The following LRRC66 variants were observed in gnomAD, a reference collection of about 807,000 sequenced individuals.
LRRC66 encodes leucine rich repeat containing 66, also known as leucine-rich repeat-containing protein 66.
LRRC66 carries 29 observed loss-of-function variants against 24.6 expected under a neutral mutation model. That is an observed-to-expected ratio of 1.18 (90% CI 0.88 to 1.61). The LOEUF is 1.61. LRRC66 is among the 40% of genes most tolerant of loss of function. LRRC66 has a pLI of 0.00. For synonymous variants in LRRC66, 411 were observed against 397.6 expected (o/e 1.03, Z -0.40); for missense variants, 1,124 against 1,058.0 (o/e 1.06, Z -0.87).
At chr4:52,017,089 T>C in intron 2 of LRRC66, 29 bp downstream of exon 2, 2 of 1,570,330 alleles carry the variant, frequency 1.3e-6, no homozygotes, top group South Asian at 2.4e-5. Context: ...GTAAGCATTG[T>C]TTCTCTGCCT....
Position 51,995,079 on chromosome 4 carries a change from G to A in LRRC66, c.1943C>T (p.Ala648Val), listed in dbSNP as rs534526166. 6.8e-6 allele frequency: 11 copies of A among 1,614,178 alleles called. No individual in the cohort carries two copies. In the East Asian group the frequency reaches 1.3e-4, roughly 20 times the overall value. Reference sequence around the variant, plus strand: ...AACCTCGCTGTAGTGGGCTGAAAGCGCTTCCTCAGCCCTTGCCCCGGACAG... The same window carrying A: ...AACCTCGCTGTAGTGGGCTGAAAGCACTTCCTCAGCCCTTGCCCCGGACAG... ...PRLSGARAEE[A>V]LSAHYSEVPY... Residue 648 changes from alanine to valine, a missense_variant, in exon 5 of 5, where the codon GCG becomes GTG. Ala to Val is a moderately conservative substitution (Grantham distance 64). Coordinates refer to ENST00000682860, the MANE Select transcript of LRRC66 (RefSeq NM_001024611.3).
chr4:51,997,335 T>A (rs972765635), intron 4 of LRRC66, among the ~76,000 whole-genome samples: 2 of 152,224 alleles, frequency 1.3e-5, no homozygotes, highest in Non-Finnish European at 2.9e-5. Flanking sequence ...TTTTAAAAGT[T>A]CTTTCTTTAA....
chr4:52,007,620 C>T (rs1348337328), intron 2 of LRRC66, among the ~76,000 whole-genome samples: 1 of 152,186 alleles, frequency 6.6e-6, no homozygotes, highest in Non-Finnish European at 1.5e-5. Context: ...CTTTTGGAGT[C>T]CAGTGGAAGC....
chr4:52,001,548 A>T (rs1378487868), intron 3 of LRRC66, among the ~76,000 whole-genome samples: 1 of 152,242 alleles, frequency 6.6e-6, no homozygotes, highest in Non-Finnish European at 1.5e-5. Flanking sequence ...CACAGACTGC[A>T]TTTATAAAGT....
At chr4:52,018,699 TC>T (rs1736875869) in intron 1 of LRRC66, 1 of 644,122 alleles carries the variant, frequency 1.6e-6, no homozygotes, top group South Asian at 6.9e-5. Context: ...TTGCCTATAG[TC>T]CAAATCCCTC....
At chr4:51,996,784 C>A (rs771605985) in intron 4 of LRRC66, among the ~76,000 whole-genome samples, 2 of 152,186 alleles carry the variant, frequency 1.3e-5, no homozygotes, top group Non-Finnish European at 2.9e-5. Flanking sequence ...AGGCTTCCTG[C>A]CTCACTGCTG....
intron 3 of LRRC66, among the ~76,000 whole-genome samples, chr4:51,999,139 T>C (rs892499426): frequency 1.1e-4 from 17 of 152,122 alleles, no homozygotes; most frequent in South Asian, 2.1e-4. Flanking sequence ...CTCATGAGGT[T>C]TGGGGAGAGG....
chr4:52,016,821 T>A (rs1736822097), intron 2 of LRRC66, among the ~76,000 whole-genome samples: 1 of 152,198 alleles, frequency 6.6e-6, no homozygotes, highest in African/African-American at 2.4e-5. Flanking sequence ...TACATGATAA[T>A]TAAAGTAGGT....
intron 4 of LRRC66, among the ~76,000 whole-genome samples, chr4:51,996,532 T>C (rs551817037): frequency 9.9e-5 from 15 of 152,240 alleles, no homozygotes; most frequent in East Asian, 5.8e-4. Context: ...GCTGGGACTA[T>C]AGGTGTGAGC....
At chr4:52,008,318 T>G (rs1736628450) in intron 2 of LRRC66, among the ~76,000 whole-genome samples, 1 of 152,098 alleles carries the variant, frequency 6.6e-6, no homozygotes, top group Non-Finnish European at 1.5e-5. Context: ...ATTATTCTAA[T>G]CTCCACACAA....
chr4:52,006,142 G>A (rs1037353557), intron 2 of LRRC66, among the ~76,000 whole-genome samples: 2 of 152,150 alleles, frequency 1.3e-5, no homozygotes, highest in East Asian at 3.9e-4. Context: ...TAGCTTTAAA[G>A]CGATTCCTCA....
In LRRC66 at chr4:52,017,172, G is replaced by C. The variant is rs748789154; in HGVS notation, c.442C>G (p.Pro148Ala). 1 of 1,614,088 alleles carries C rather than the reference G, an allele frequency of 6.2e-7. No individual in the cohort carries two copies. Among genetic ancestry groups the C allele is most frequent in the South Asian group, 1.1e-5 (1 of 91,066 alleles). Residue 148 changes from proline (P) to alanine (A), a missense_variant, in exon 2 of 5, where the codon CCA becomes GCA. Pro to Ala is a conservative substitution (Grantham distance 27). Transcript: ENST00000682860. ...RHRSSFRNRF[P>A]LLKVLILQRN... ...TGAAGAATGAGCACCTTCAGCAATG[G>C]AAACCTGTTTCTGAAGCTGCTTCTG...
Position 51,994,922 on chromosome 4 carries a change from C to T in LRRC66, c.2100G>A (p.Glu700=), listed in dbSNP as rs764522847. The T allele has an allele frequency of 4.3e-6, 7 of 1,614,044 alleles. No homozygotes were observed. The East Asian group carries it at 1.6e-4, about 36-fold the overall frequency. Residue 700 remains glutamate (E), a synonymous_variant, in exon 5 of 5, where the codon GAG becomes GAA. Transcript: ENST00000682860. ...STPSDTCCEL[E]SDCDSDEGSL... ...ACCCCTCATCAGAGTCACAGTCACT[C>T]TCCAACTCACAGCAAGTGTCAGAAG... is the stretch of plus-strand genomic sequence containing the variant.
chr4:52,002,072 C>G (rs1736458134), intron 3 of LRRC66, among the ~76,000 whole-genome samples: 1 of 152,116 alleles, frequency 6.6e-6, no homozygotes, highest in African/African-American at 2.4e-5. Flanking sequence ...GCAATTAAAA[C>G]AGGGGTGGTC....
At chr4:52,003,460 T>C (rs560122070) in intron 2 of LRRC66, 68 bp from the exon 3 acceptor site, 37 of 1,394,292 alleles carry the variant, frequency 2.7e-5, no homozygotes, top group Non-Finnish European at 3.5e-5. Flanking sequence ...TTTGTAATGG[T>C]GAAAAATTGG....
rs780748515 is a variant in LRRC66 at position 51,995,468 on chromosome 4, A to G, written c.1554T>C (p.Arg518=). Residue 518 remains arginine, a synonymous_variant, in exon 5 of 5, where the codon CGT becomes CGC. Transcript: ENST00000682860. ...ILQRHPHAGN[R]ELMSAAQDHI... Reference sequence around the variant, plus strand: ...GGTCCTGCGCTGCTGACATTAGTTCACGGTTACCGGCATGTGGATGTCTCT... The same window carrying G: ...GGTCCTGCGCTGCTGACATTAGTTCGCGGTTACCGGCATGTGGATGTCTCT... 8.9e-5 allele frequency: 144 copies of G among 1,614,062 alleles called. 1 individual carries two copies. In the South Asian group the frequency reaches 1.5e-3, roughly 17 times the overall value.
At chr4:52,016,517 A>G (rs1166155670) in intron 2 of LRRC66, among the ~76,000 whole-genome samples, 1 of 152,186 alleles carries the variant, frequency 6.6e-6, no homozygotes, top group Admixed American at 6.5e-5. Flanking sequence ...GAACTCCAAC[A>G]TATAGACTAT....
intron 2 of LRRC66, among the ~76,000 whole-genome samples, chr4:52,007,159 G>A (rs1235280469): frequency 6.6e-6 from 1 of 152,096 alleles, no homozygotes; most frequent in Non-Finnish European, 1.5e-5. Flanking sequence ...AGAGACTGAG[G>A]TTTATTCCAC....
At chr4:52,009,230 T>A (rs773886399) in intron 2 of LRRC66, among the ~76,000 whole-genome samples, 5 of 152,138 alleles carry the variant, frequency 3.3e-5, no homozygotes, top group Non-Finnish European at 7.4e-5. Context: ...TTGTGGGACG[T>A]AGCTAAAGCC....
Sources: allele counts gnomAD v4.1 joint callset (sites outside exome capture counted in the v4.1 genomes callset), GRCh38; gene constraint gnomAD v4.1.1; transcripts MANE v1.5; gene names NCBI Gene and HGNC (gene_info 2026-07-23, HGNC 2026-07-21).